Variants in ELAVL2 observed in about 807,000 individuals in gnomAD.
ELAVL2 encodes the protein ELAV like RNA binding protein 2, also known as ELAV-like protein 2.
Under a neutral mutation model 34.6 loss-of-function variants are expected in ELAVL2, and 4 were observed. That is an observed-to-expected ratio of 0.12 (90% confidence interval 0.06 to 0.26). The LOEUF (loss-of-function observed/expected upper bound fraction) is 0.26, where lower values mean the gene tolerates loss of function less well. Among genes scored for constraint, ELAVL2 ranks in the 10% least tolerant of loss-of-function variants. The probability of loss-of-function intolerance (pLI) is 1.00; values close to 1 mark genes in which losing one functional copy is unlikely to be tolerated. For synonymous variants in ELAVL2, 193 were observed against 154.8 expected (o/e 1.25, Z -1.83); for missense variants, 432 against 442.8 (o/e 0.98, Z 0.22).
intron 3 of ELAVL2, among the ~76,000 whole-genome samples, chr9:23,713,968 GT>G (rs1273306973): frequency 6.6e-6 from 1 of 152,146 alleles, no homozygotes; most frequent in Non-Finnish European, 1.5e-5. Flanking sequence ...GTAATTTGAT[GT>G]TAATCACAGT....
intron 2 of ELAVL2, among the ~76,000 whole-genome samples, chr9:23,744,809 C>A (rs1211096167): frequency 6.6e-6 from 1 of 151,820 alleles, no homozygotes; most frequent in African/African-American, 2.4e-5. Context: ...GAACTTTTAC[C>A]TCATTATTCC....
At chr9:23,717,789 C>G (rs1048659131) in intron 3 of ELAVL2, among the ~76,000 whole-genome samples, 2 of 152,124 alleles carry the variant, frequency 1.3e-5, no homozygotes, top group African/African-American at 4.8e-5. Context: ...ACAAGGCTAC[C>G]TCTTGTCTTA....
chr9:23,833,968 A>C, the ELAVL2 span, among the ~76,000 whole-genome samples: 1 of 152,026 alleles, frequency 6.6e-6, no homozygotes, highest in African/African-American at 2.4e-5. Flanking sequence ...TGAAATGAGC[A>C]ATACATAATC....
At chr9:23,699,804 T>C (rs113343927) in intron 5 of ELAVL2, among the ~76,000 whole-genome samples, 209 of 120,356 alleles carry the variant, frequency 1.7e-3, no homozygotes, top group African/African-American at 6.4e-3. Flanking sequence ...AAGTCAAAGG[T>C]GGCAAAGGTT....
chr9:23,813,155 G>T (rs2063234284), intron 1 of ELAVL2, among the ~76,000 whole-genome samples: 1 of 152,120 alleles, frequency 6.6e-6, no homozygotes, highest in Admixed American at 6.5e-5. Flanking sequence ...ATTATGCTCA[G>T]GAGTAGATTA....
intron 1 of ELAVL2, among the ~76,000 whole-genome samples, chr9:23,789,649 T>C (rs547126336): frequency 6.6e-6 from 1 of 152,310 alleles, no homozygotes; most frequent in African/African-American, 2.4e-5. Context: ...CAGGGTAATC[T>C]TTTAGCTAAA....
chr9:23,813,209 G>A (rs1002893084), intron 1 of ELAVL2, among the ~76,000 whole-genome samples: 3 of 152,090 alleles, frequency 2.0e-5, no homozygotes, highest in Non-Finnish European at 4.4e-5. Context: ...TACAGCATTG[G>A]TCCAAACATG....
chr9:23,734,140 G>A (rs117643710), intron 2 of ELAVL2, among the ~76,000 whole-genome samples: 48 of 152,236 alleles, frequency 3.2e-4, no homozygotes, highest in Non-Finnish European at 6.6e-4. Context: ...ACCTACCATC[G>A]TTGGTGTATT....
intron 2 of ELAVL2, among the ~76,000 whole-genome samples, chr9:23,760,374 A>C (rs1473661591): frequency 1.3e-5 from 2 of 152,142 alleles, no homozygotes; most frequent in East Asian, 1.9e-4. Context: ...TCTACTAAGC[A>C]ATCAGAAATT....
intron 1 of ELAVL2, among the ~76,000 whole-genome samples, chr9:23,816,532 T>C (rs2063746117): frequency 6.6e-6 from 1 of 152,136 alleles, no homozygotes; most frequent in South Asian, 2.1e-4. Flanking sequence ...TGATAAACTT[T>C]TTAAGTCAAA....
chr9:23,792,282 G>T (rs1320142336), intron 1 of ELAVL2, among the ~76,000 whole-genome samples: 1 of 152,202 alleles, frequency 6.6e-6, no homozygotes, highest in African/African-American at 2.4e-5. Flanking sequence ...TTCTACTTAT[G>T]ACATCTTCAA....
At chr9:23,713,709 A>G (rs1185644236) in intron 3 of ELAVL2, among the ~76,000 whole-genome samples, 1 of 152,214 alleles carries the variant, frequency 6.6e-6, no homozygotes, top group East Asian at 1.9e-4. Context: ...TGAGGCAAGC[A>G]CGTGTTAGCT....
intron 1 of ELAVL2, among the ~76,000 whole-genome samples, chr9:23,780,232 A>T (rs1160140739): frequency 6.6e-6 from 1 of 152,024 alleles, no homozygotes; most frequent in Non-Finnish European, 1.5e-5. Flanking sequence ...ATCATTTTAC[A>T]CTTGTTTCCT....
chr9:23,701,562 A>G lies in ELAVL2; in HGVS notation c.530T>C (p.Ile177Thr). Residue 177 changes from isoleucine to threonine, a missense_variant, in exon 5 of 7, where the codon ATT becomes ACT. Coordinates refer to ENST00000397312, the MANE Select transcript of ELAVL2 (RefSeq NM_004432.5). Reference sequence around the variant, plus strand: ...GCCTTTGATAGCTTCTTCTGCCTCAATTCGCTTGTCAAATCGAATAAACCC... The same window carrying G: ...GCCTTTGATAGCTTCTTCTGCCTCAGTTCGCTTGTCAAATCGAATAAACCC... The part of the protein sequence containing the change: ...GVGFIRFDKR[I>T]EAEEAIKGLN... 1 of 1,614,090 alleles carries G rather than the reference A, an allele frequency of 6.2e-7. No homozygotes were observed. Among genetic ancestry groups the G allele is most frequent in the African/African-American group, 1.3e-5 (1 of 75,024 alleles).
In ELAVL2 at chr9:23,823,328, A is replaced by G. The variant is rs1040418275; in HGVS notation, c.-16+2478T>C. On this transcript the variant is annotated intron_variant, in intron 1 of 6. Coordinates refer to ENST00000397312, the MANE Select transcript of ELAVL2 (RefSeq NM_004432.5). ...GAAAATGGGCCTACTTAATTTGTCA[A>G]TCCAAACCTAAAACTCTTAGAATGC... Among the ~76,000 whole-genome samples, 12 of 152,286 alleles carry G rather than the reference A, an allele frequency of 7.9e-5. No individual in the cohort carries two copies. In the East Asian group the frequency reaches 9.7e-4, roughly 12 times the overall value.
At chr9:23,815,344 T>A (rs186473793) in intron 1 of ELAVL2, among the ~76,000 whole-genome samples, 1 of 152,292 alleles carries the variant, frequency 6.6e-6, no homozygotes, top group East Asian at 1.9e-4. Context: ...AGTCCCATCA[T>A]CATAGGTATA....
chr9:23,805,143 TA>T (rs1588675443), intron 1 of ELAVL2, among the ~76,000 whole-genome samples: 3 of 152,110 alleles, frequency 2.0e-5, no homozygotes, highest in African/African-American at 7.2e-5. Flanking sequence ...ATAGGAAATA[TA>T]AAAAGCCATT....
intron 5 of ELAVL2, among the ~76,000 whole-genome samples, chr9:23,697,402 C>A (rs1353619330): frequency 6.6e-6 from 1 of 152,122 alleles, no homozygotes; most frequent in Non-Finnish European, 1.5e-5. Context: ...CTTTAAAAGA[C>A]ATTTATTAAG....
intron 1 of ELAVL2, among the ~76,000 whole-genome samples, chr9:23,767,543 G>C (rs1297472050): frequency 2.0e-5 from 3 of 152,182 alleles, no homozygotes; most frequent in Non-Finnish European, 4.4e-5. Flanking sequence ...CACTTTGGGA[G>C]GCTGAGGTAG....
Sources: gnomAD v4.1 joint callset for allele counts (sites outside exome capture counted in the v4.1 genomes callset) on GRCh38, gnomAD v4.1.1 for gene constraint, MANE v1.5 for transcripts, NCBI Gene and HGNC (gene_info 2026-07-23, HGNC 2026-07-21) for gene names.